Variants in DNAJB14 observed in about 807,000 individuals in gnomAD.
The protein encoded by DNAJB14 is dnaJ homolog subfamily B member 14.
DNAJB14 carries 22 observed loss-of-function variants against 48.4 expected under a neutral mutation model. The ratio of observed to expected loss-of-function variants is 0.45; its 90% CI spans 0.32 to 0.65. The LOEUF (loss-of-function observed/expected upper bound fraction) is 0.65. Ranked by LOEUF, DNAJB14 falls within the 30% of genes least tolerant of loss-of-function variation. DNAJB14 has a pLI of 0.03. For missense variants in DNAJB14, 319 were observed against 458.8 expected, an observed-to-expected ratio of 0.70 and a Z score of 2.78; for synonymous variants, 142 against 158.7, an observed-to-expected ratio of 0.89 and a Z score of 0.79.
At chr4:99,943,258 C>G (rs557650330) in intron 1 of DNAJB14, among the ~76,000 whole-genome samples, 19 of 152,284 alleles carry the variant, frequency 1.2e-4, no homozygotes, top group African/African-American at 4.3e-4. Context: ...GGTTTTTGGA[C>G]TACACAGTTA....
At chr4:99,908,607 C>A in intron 4 of DNAJB14, 104 bp downstream of exon 4, 4 of 902,198 alleles carry the variant, frequency 4.4e-6, no homozygotes, top group Non-Finnish European at 6.2e-6. Context: ...CGTAACACTA[C>A]AAGAAATGTA....
At position 99,908,847 on chromosome 4, in the gene DNAJB14, C is replaced by T. The variant is rs200468819; in HGVS notation, c.501G>A (p.Gln167=). The change falls in exon 4 of 8, where the codon CAG becomes CAA. Residue 167 remains glutamine (Q), a synonymous_variant. Coordinates refer to ENST00000442697, the MANE Select transcript of DNAJB14 (RefSeq NM_001031723.4). The part of the protein sequence containing the change: ...AVLSNPEKRK[Q]YDLTGNEEQA... ...GTTCTTCATTGCCCGTGAGGTCATA[C>T]TGTTTTCGCTTTTCTGGATTACTTA... 3.8e-6 allele frequency: 6 copies of T among 1,599,910 alleles called. No individual in the cohort carries two copies. The South Asian group carries it at 6.8e-5, about 18-fold the overall frequency.
chr4:99,923,241 A>C, intron 2 of DNAJB14, 56 bp from the exon 3 acceptor site: 1 of 1,461,224 alleles, frequency 6.8e-7, no homozygotes, highest in African/African-American at 1.4e-5. Context: ...GTCATGTAAT[A>C]TCTCTAATTT....
intron 1 of DNAJB14, among the ~76,000 whole-genome samples, chr4:99,933,879 C>A (rs1726572867): frequency 6.6e-6 from 1 of 151,876 alleles, no homozygotes; most frequent in African/African-American, 2.4e-5. Flanking sequence ...ATTTGCCAGC[C>A]CACAGAACAT....
chr4:99,905,970 C>G, intron 5 of DNAJB14: 1 of 1,295,514 alleles, frequency 7.7e-7, no homozygotes, highest in Non-Finnish European at 9.9e-7. Context: ...CTTTCTCTTT[C>G]CCGACTCCCT....
intron 2 of DNAJB14, chr4:99,927,725 T>C (rs1206382430): frequency 6.6e-6 from 1 of 152,232 alleles, no homozygotes; most frequent in Non-Finnish European, 1.5e-5. Flanking sequence ...ACTTATGCAA[T>C]GGATGCAGTA....
In DNAJB14 at chr4:99,899,613, T is replaced by TA. The variant is rs1309667822; in HGVS notation, c.*1414dup. ...TTAACTACATTCAGGAAAAAAAACT[T>TA]AAACAAAGAACAAAGCCACCCTATC... On this transcript the variant is annotated 3_prime_UTR_variant, in exon 8 of 8. Transcript: ENST00000442697. The TA allele has an allele frequency of 6.6e-6, 1 of 152,286 alleles. No individual in the cohort carries two copies. Among genetic ancestry groups the TA allele is most frequent in the East Asian group, 1.9e-4 (1 of 5,202 alleles). 9.4% of individuals were successfully genotyped at this position (152,286 alleles called of 1,614,324 possible). A position where few individuals can be genotyped will look rare whatever the true frequency, so the allele number is the denominator to read the frequency against.
intron 6 of DNAJB14, among the ~76,000 whole-genome samples, chr4:99,904,157 T>C (rs578157812): frequency 9.2e-5 from 14 of 152,250 alleles, no homozygotes; most frequent in Admixed American, 3.9e-4. Context: ...CACAGCATCA[T>C]AGGTGGAAAC....
chr4:99,918,591 T>C (rs1305861312), intron 3 of DNAJB14, among the ~76,000 whole-genome samples: 2 of 152,222 alleles, frequency 1.3e-5, no homozygotes, highest in Non-Finnish European at 2.9e-5. Flanking sequence ...TGTTCCTAAG[T>C]GGGAGTGGAA....
At chr4:99,904,083 C>G (rs567802018) in intron 6 of DNAJB14, among the ~76,000 whole-genome samples, 185 bp from the exon 7 acceptor site, 1 of 152,218 alleles carries the variant, frequency 6.6e-6, no homozygotes. Flanking sequence ...TGAGCATCGA[C>G]AAGATGGCAC....
chr4:99,901,120 G>A lies in DNAJB14; in HGVS notation c.1048C>T (p.Arg350Cys), dbSNP rs1183142425. The A allele has an allele frequency of 6.2e-6, 10 of 1,609,744 alleles. No homozygotes were observed. Among genetic ancestry groups the A allele is most frequent in the South Asian group, 1.1e-5 (1 of 90,790 alleles). ...GCCTTCCTTCGGAGTCGATCATCAC[G>A]GTATACTTTTGCTGCATACTGCATA... ...TDMQYAAKVYRDDRLRRKADA... is the reference protein window; with the variant it reads ...TDMQYAAKVYCDDRLRRKADA... Residue 350 changes from arginine (R) to cysteine (C), a missense_variant, in exon 8 of 8, where the codon CGT becomes TGT. By Grantham distance (180) the Arg-to-Cys change is radical (BLOSUM62 -3). Transcript: ENST00000442697.
At position 99,933,479 on chromosome 4, in the gene DNAJB14, G is replaced by A. The variant is rs1218374430; in HGVS notation, c.134-2858C>T. Among the ~76,000 whole-genome samples, 5 of 151,404 alleles carry A rather than the reference G, an allele frequency of 3.3e-5. No individual in the cohort carries two copies. In the South Asian group the frequency reaches 6.2e-4, roughly 19 times the overall value. On this transcript the variant is annotated intron_variant, in intron 1 of 7. Transcript: ENST00000442697. ...GGCTAATTTTTTGATTTTTTTTTTAGTAGAGATGGGGTTTCACCATATTGG... is the reference window on the plus strand; with the variant it reads ...GGCTAATTTTTTGATTTTTTTTTTAATAGAGATGGGGTTTCACCATATTGG...
In DNAJB14 at chr4:99,946,523, C is replaced by G; in HGVS notation, c.49G>C (p.Glu17Gln). 1.2e-6 allele frequency: 2 copies of G among 1,613,928 alleles called. No homozygotes were observed. The highest frequency in any genetic ancestry group is 2.2e-5 in the South Asian group (2 of 91,084). ...EAEKCVEIAR[E>Q]ALNAGNREKA... ...TCGCGGTTGCCGGCGTTCAGGGCCT[C>G]CCGGGCGATCTCGACACATTTCTCA... The change falls in exon 1 of 8, where the codon GAG (glutamate) becomes CAG (glutamine). Residue 17 changes from glutamate (E) to glutamine (Q), a missense_variant. Glu to Gln is a conservative substitution (Grantham distance 29, BLOSUM62 2). Transcript: ENST00000442697.
chr4:99,912,379 A>T (rs889648322), intron 3 of DNAJB14, among the ~76,000 whole-genome samples: 1 of 152,152 alleles, frequency 6.6e-6, no homozygotes, highest in Non-Finnish European at 1.5e-5. Flanking sequence ...TCTTCCCCTC[A>T]TATGAATTTT....
chr4:99,943,757 G>A (rs927157425), intron 1 of DNAJB14, among the ~76,000 whole-genome samples: 23 of 152,030 alleles, frequency 1.5e-4, no homozygotes, highest in Non-Finnish European at 5.9e-5. Context: ...TGTCCCTCTA[G>A]GACTAGATAA....
At chr4:99,923,846 T>C (rs1726150910) in intron 2 of DNAJB14, 1 of 984,908 alleles carries the variant, frequency 1.0e-6, no homozygotes, top group South Asian at 4.7e-5. Context: ...GCCATCCCCG[T>C]TATGCCAAAG....
chr4:99,933,889 TA>T (rs914080376), intron 1 of DNAJB14, among the ~76,000 whole-genome samples: 2 of 150,368 alleles, frequency 1.3e-5, no homozygotes, highest in African/African-American at 2.5e-5. Flanking sequence ...CCACAGAACA[TA>T]AAAAAAAATT....
chr4:99,943,621 G>T (rs866440483), intron 1 of DNAJB14, among the ~76,000 whole-genome samples: 1 of 152,106 alleles, frequency 6.6e-6, no homozygotes, highest in African/African-American at 2.4e-5. Context: ...TTTTACAGAC[G>T]AAAAAGCTAA....
At chr4:99,939,097 C>T (rs1042318463) in intron 1 of DNAJB14, among the ~76,000 whole-genome samples, 1 of 152,194 alleles carries the variant, frequency 6.6e-6, no homozygotes, top group Admixed American at 6.5e-5. Context: ...TACAGTGGCT[C>T]ACGCCTGTAA....
Sources: gnomAD v4.1 joint callset for allele counts (sites outside exome capture counted in the v4.1 genomes callset) on GRCh38, gnomAD v4.1.1 for gene constraint, MANE v1.5 for transcripts, NCBI Gene and HGNC (gene_info 2026-07-23, HGNC 2026-07-21) for gene names.